DIO1: variants seen among roughly 807,000 people sequenced by gnomAD.
The protein encoded by DIO1 is type I iodothyronine deiodinase.
Under a neutral mutation model 25.9 loss-of-function variants are expected in DIO1, and 17 were observed. That is an observed-to-expected ratio of 0.66 (90% CI 0.45 to 0.98). The LOEUF (loss-of-function observed/expected upper bound fraction) is 0.98. Ranked by LOEUF, DIO1 falls within the 50% of genes least tolerant of loss-of-function variation. The probability of loss-of-function intolerance (pLI) is 0.00; values close to 1 mark genes in which losing one functional copy is unlikely to be tolerated. For synonymous variants in DIO1, 115 were observed against 114.0 expected (o/e 1.01, Z -0.05); for missense variants, 270 against 310.4 (o/e 0.87, Z 0.98).
At chr1:53,895,887 C>A (rs1188244950) in intron 1 of DIO1, among the ~76,000 whole-genome samples, 3 of 152,196 alleles carry the variant, frequency 2.0e-5, no homozygotes, top group African/African-American at 4.8e-5. Flanking sequence ...TCTATATCCC[C>A]CTCATTCATG....
At chr1:53,900,806 G>A (rs7527713) in intron 1 of DIO1, among the ~76,000 whole-genome samples, 34,460 of 151,398 alleles carry the variant, frequency 0.23, 4,160 homozygotes, top group African/African-American at 0.3. Context: ...TAGCCCAGGC[G>A]CCCATTTTCT....
intron 3 of DIO1, among the ~76,000 whole-genome samples, chr1:53,908,178 C>T (rs1165017098): frequency 6.6e-6 from 1 of 151,818 alleles, no homozygotes; most frequent in Non-Finnish European, 1.5e-5. Flanking sequence ...GCCGAGATCG[C>T]ACCACTGCAC....
intron 3 of DIO1, among the ~76,000 whole-genome samples, chr1:53,909,613 G>A (rs1351494317): frequency 6.6e-6 from 1 of 152,172 alleles, no homozygotes; most frequent in Admixed American, 6.5e-5. Flanking sequence ...GAAGGCTGGA[G>A]AAGATTAGGC....
At chr1:53,908,445 C>T (rs1459456681) in intron 3 of DIO1, among the ~76,000 whole-genome samples, 3 of 152,260 alleles carry the variant, frequency 2.0e-5, no homozygotes, top group South Asian at 2.1e-4. Context: ...TGTTATAGCA[C>T]AACAGCAGCT....
At position 53,906,165 on chromosome 1, in the gene DIO1, C is replaced by A. The variant is rs902145311; in HGVS notation, c.552C>A (p.Ala184=). 2 of 1,614,062 alleles carry A rather than the reference C, an allele frequency of 1.2e-6. No homozygotes were observed. Among genetic ancestry groups the A allele is most frequent in the Non-Finnish European group, 1.7e-6 (2 of 1,180,032 alleles). The part of the protein sequence containing the change: ...HQNLQDRLQA[A]HLLLARSPQC... ...ACCTTCAGGATCGCCTGCAGGCAGC[C>A]CATCTACTGCTGGCCAGGAGCCCCC... Residue 184 remains alanine (A), a synonymous_variant, in exon 3 of 4, where the codon GCC becomes GCA. Coordinates refer to ENST00000361921, the MANE Select transcript of DIO1 (RefSeq NM_000792.7).
rs1389932247 is a variant in DIO1, at chr1:53,894,852, C to T, written c.337+305C>T. Among the ~76,000 whole-genome samples the T allele has an allele frequency of 1.3e-5, 2 of 152,202 alleles. No individual in the cohort carries two copies. The highest frequency in any genetic ancestry group is 4.8e-5 in the African/African-American group (2 of 41,450). On this transcript the variant is annotated intron_variant, in intron 1 of 3. Coordinates refer to ENST00000361921, the MANE Select transcript of DIO1 (RefSeq NM_000792.7). The surrounding 1 kb of genome is among the most constrained non-coding windows in gnomAD (Gnocchi z 4.9). ...TTTGCCCACCTCTCTGCCTGGTTAA[C>T]TCTTGTTCAATCTTCAGACTGTTGC... is the stretch of plus-strand genomic sequence containing the variant.
Position 53,910,008 on chromosome 1 carries a change from G to A in DIO1, c.*9G>A. 2 of 1,613,588 alleles carry A rather than the reference G, an allele frequency of 1.2e-6. No individual in the cohort carries two copies. The highest frequency in any genetic ancestry group is 1.7e-6 in the Non-Finnish European group (2 of 1,179,462). ...AAAAGCTCCACAGTTAATCTGGACA[G>A]ATACCTCAATTCTAGGTGACCAACG... On this transcript the variant is annotated 3_prime_UTR_variant, in exon 4 of 4. Transcript: ENST00000361921.
At chr1:53,901,822 G>A (rs1221861120) in intron 1 of DIO1, among the ~76,000 whole-genome samples, 2 of 151,628 alleles carry the variant, frequency 1.3e-5, no homozygotes, top group African/African-American at 4.8e-5. Flanking sequence ...GAAGTTCAAG[G>A]CTGTAGTGTA....
intron 1 of DIO1, among the ~76,000 whole-genome samples, chr1:53,902,579 A>T (rs897234717): frequency 1.2e-4 from 18 of 151,832 alleles, no homozygotes; most frequent in African/African-American, 4.4e-4. Context: ...GTGGACACTT[A>T]AACAGGCCAT....
intron 1 of DIO1, among the ~76,000 whole-genome samples, chr1:53,895,002 G>A (rs947005194): frequency 6.6e-6 from 1 of 152,254 alleles, no homozygotes; most frequent in East Asian, 1.9e-4. Flanking sequence ...ATTATGTACG[G>A]CTGGCTAGGA....
At position 53,906,086 on chromosome 1, in the gene DIO1, C is replaced by G; in HGVS notation, c.482-9C>G. The G allele has an allele frequency of 6.2e-7, 1 of 1,614,054 alleles. No homozygotes were observed. Among genetic ancestry groups the G allele is most frequent in the Non-Finnish European group, 8.5e-7 (1 of 1,179,918 alleles). ...CAATGGGACTCGGTGCCTGGCCTTT[C>G]TCTTGTAGATGGCTGGGCTTTTAAG... is the stretch of plus-strand genomic sequence containing the variant. On this transcript the variant is annotated splice_polypyrimidine_tract_variant and intron_variant, in intron 2 of 3. Transcript: ENST00000361921.
Position 53,904,098 on chromosome 1 carries a change from C to T in DIO1, c.338-568C>T, listed in dbSNP as rs146082155. 2.1e-3 allele frequency among the ~76,000 whole-genome samples: 319 copies of T among 152,242 alleles called. 7 individuals carry two copies. In the East Asian group the frequency reaches 0.054, roughly 26 times the overall value. ...ACTATGGGCCAGTAACCAGTTTAAG[C>T]CCTTATCTCTATTAATTTATTTAAT... On this transcript the variant is annotated intron_variant, in intron 1 of 3. Coordinates refer to ENST00000361921, the MANE Select transcript of DIO1 (RefSeq NM_000792.7).
chr1:53,904,560 GT>G, intron 1 of DIO1, 105 bp from the exon 2 acceptor site: 2 of 1,393,364 alleles, frequency 1.4e-6, no homozygotes, highest in Non-Finnish European at 2.0e-6. Flanking sequence ...GGGGTGGGGG[GT>G]AGGGGGAAAT....
At chr1:53,904,554 T>TGG (rs1026531701) in intron 1 of DIO1, 112 bp from the exon 2 acceptor site, 17 of 1,340,838 alleles carry the variant, frequency 1.3e-5, no homozygotes, top group Non-Finnish European at 1.7e-5. Flanking sequence ...CATCCTGGGG[T>TGG]GGGGGGTAGG....
Position 53,906,138 on chromosome 1 carries a change from GA to G in DIO1, c.527del (p.Asn176ThrfsTer?). Reference protein sequence around the residue: ...KNNMDIRNHQNLQDRLQAAHL... With the variant: ...KNNMDIRNHQXLQDRLQAAHL... ...ACAACATGGACATCAGAAATCACCA[GA>G]ACCTTCAGGATCGCCTGCAGGCAGC... On this transcript the variant is annotated frameshift_variant, in exon 3 of 4. Coordinates refer to ENST00000361921, the MANE Select transcript of DIO1 (RefSeq NM_000792.7). LOFTEE classifies it high-confidence loss of function. 10 of 1,614,200 alleles carry G rather than the reference GA, an allele frequency of 6.2e-6. No homozygotes were observed. Among genetic ancestry groups the G allele is most frequent in the Non-Finnish European group, 8.5e-6 (10 of 1,180,044 alleles).
At chr1:53,895,826 G>A (rs1216674298) in intron 1 of DIO1, among the ~76,000 whole-genome samples, 1 of 152,148 alleles carries the variant, frequency 6.6e-6, no homozygotes. Context: ...CCTTGTCTTT[G>A]CCTTTGCTGA....
At chr1:53,896,913 T>C (rs896216435) in intron 1 of DIO1, among the ~76,000 whole-genome samples, 2 of 152,174 alleles carry the variant, frequency 1.3e-5, no homozygotes, top group Non-Finnish European at 2.9e-5. Context: ...TGTTTTGCTG[T>C]TCATTCATAA....
intron 1 of DIO1, among the ~76,000 whole-genome samples, chr1:53,900,067 C>G (rs192656071): frequency 6.6e-6 from 1 of 152,276 alleles, no homozygotes; most frequent in East Asian, 1.9e-4. Context: ...CCTCCTCAGG[C>G]CTTTTAAGAA....
intron 1 of DIO1, among the ~76,000 whole-genome samples, chr1:53,896,270 T>TGTA (rs1052608940): frequency 5.9e-5 from 8 of 135,508 alleles, no homozygotes; most frequent in Non-Finnish European, 1.1e-4. Flanking sequence ...CACGCTGGAG[T>TGTA]GTAGGGGTAT....
Sources: gnomAD v4.1 joint callset for allele counts (sites outside exome capture counted in the v4.1 genomes callset) on GRCh38, gnomAD v4.1.1 for gene constraint, Gnocchi (gnomAD v3.1) non-coding constraint, MANE v1.5 for transcripts, NCBI Gene and HGNC (gene_info 2026-07-23, HGNC 2026-07-21) for gene names.